RBFOX1: variants seen among roughly 807,000 people sequenced by gnomAD.
RBFOX1 encodes RNA binding protein fox-1 homolog 1.
In RBFOX1, 8 loss-of-function variants were observed where a neutral mutation model predicts 57.7. That is an observed-to-expected ratio of 0.14 (90% CI 0.08 to 0.25). The LOEUF (loss-of-function observed/expected upper bound fraction) is 0.25. Ranked by LOEUF, RBFOX1 falls within the 10% of genes least tolerant of loss-of-function variation. The pLI is 1.00. For missense variants in RBFOX1, 611 were observed against 548.5 expected, an observed-to-expected ratio of 1.11 and a Z score of -1.14; for synonymous variants, 326 against 222.4, an observed-to-expected ratio of 1.47 and a Z score of -4.15.
rs114204243 is a variant in RBFOX1, at chr16:6,940,217, A to C, written c.-15-111840A>C. Among the ~76,000 whole-genome samples, 647 of 152,136 alleles carry C rather than the reference A, an allele frequency of 4.3e-3. 4 individuals are homozygous for C. The highest frequency in any genetic ancestry group is 0.015 in the African/African-American group (624 of 41,522). On this transcript the variant is annotated intron_variant, in intron 3 of 15. Coordinates refer to ENST00000550418, the MANE Select transcript of RBFOX1 (RefSeq NM_018723.4). The stretch of plus-strand genomic sequence containing the variant: ...AAAAATAAAAATAAATAAATAAATA[A>C]ATAGGTACAGGTAGGTTACCTCTGG...
chr16:6,080,804 A>G (rs1278995666), intron 1 of RBFOX1, among the ~76,000 whole-genome samples: 4 of 152,216 alleles, frequency 2.6e-5, no homozygotes, highest in Non-Finnish European at 5.9e-5. Flanking sequence ...GGCCAATTCC[A>G]CAGGCTGGTG....
At chr16:5,268,751 C>T (rs529450229) in intron 1 of RBFOX1, among the ~76,000 whole-genome samples, 2 of 152,312 alleles carry the variant, frequency 1.3e-5, no homozygotes, top group East Asian at 3.9e-4. Context: ...CCAAGTTGGG[C>T]CTATACCTGG....
At chr16:5,521,244 A>G (rs1311601265) in intron 2 of RBFOX1, among the ~76,000 whole-genome samples, 1 of 149,236 alleles carries the variant, frequency 6.7e-6, no homozygotes, top group Non-Finnish European at 1.5e-5. Flanking sequence ...CAACTCCTTT[A>G]TCTTTCCATC....
chr16:7,396,404 C>T (rs1341563630), intron 4 of RBFOX1, among the ~76,000 whole-genome samples: 2 of 152,286 alleles, frequency 1.3e-5, no homozygotes, highest in East Asian at 3.9e-4. Flanking sequence ...TTCTGTTTTT[C>T]TCCCTGGATG....
intron 2 of RBFOX1, among the ~76,000 whole-genome samples, chr16:6,554,725 GACACACACACACACAC>G (rs34699308): frequency 6.7e-6 from 1 of 148,164 alleles, no homozygotes; most frequent in Non-Finnish European, 1.5e-5. Flanking sequence ...AGTAGACACA[GACACACACACACACAC>G]ACACACACAC....
chr16:6,210,850 T>C (rs2097291908), intron 1 of RBFOX1, among the ~76,000 whole-genome samples: 1 of 152,210 alleles, frequency 6.6e-6, no homozygotes, highest in South Asian at 2.1e-4. Flanking sequence ...AGTCCTTAAG[T>C]GAACGGTGCA....
chr16:6,713,127 T>C (rs7200105), intron 3 of RBFOX1, among the ~76,000 whole-genome samples: 14,627 of 152,068 alleles, frequency 0.096, 1,153 homozygotes, highest in African/African-American at 0.22. Flanking sequence ...AGGTATTTCT[T>C]ACAGCAGTGT....
chr16:6,002,366 A>C (rs919694634), intron 4 of RBFOX1, among the ~76,000 whole-genome samples: 26 of 152,228 alleles, frequency 1.7e-4, no homozygotes, highest in Admixed American at 6.5e-5. Context: ...CAGAGGAAAT[A>C]GAGTTTTGAC....
intron 1 of RBFOX1, among the ~76,000 whole-genome samples, chr16:6,186,877 A>G (rs779307160): frequency 5.9e-5 from 9 of 152,206 alleles, no homozygotes; most frequent in Non-Finnish European, 1.0e-4. Flanking sequence ...CTGGTGAACA[A>G]AGGCCCCCGA....
At chr16:5,849,961 G>A (rs913755380) in intron 3 of RBFOX1, among the ~76,000 whole-genome samples, 11 of 152,132 alleles carry the variant, frequency 7.2e-5, no homozygotes, top group Non-Finnish European at 1.3e-4. Flanking sequence ...TTTCCTTTGC[G>A]GATCATCTGC....
At position 7,417,717 on chromosome 16, in the gene RBFOX1, C is replaced by T. The variant is rs144221560; in HGVS notation, c.28-100430C>T. Among the ~76,000 whole-genome samples, 656 of 152,264 alleles carry T rather than the reference C, an allele frequency of 4.3e-3. 6 individuals carry two copies. Among genetic ancestry groups the T allele is most frequent in the African/African-American group, 0.015 (621 of 41,538 alleles). ...ATATCTCAGGAAACCTTAATGTGTTCTCCATCTTTATAATTTTGTCATTTC... is the reference window on the plus strand; with the variant it reads ...ATATCTCAGGAAACCTTAATGTGTTTTCCATCTTTATAATTTTGTCATTTC... On this transcript the variant is annotated intron_variant, in intron 4 of 15. Coordinates refer to ENST00000550418, the MANE Select transcript of RBFOX1 (RefSeq NM_018723.4).
chr16:7,710,165 G>C, intron 15 of RBFOX1: 2 of 1,028,062 alleles, frequency 1.9e-6, no homozygotes, highest in Non-Finnish European at 2.3e-6. Flanking sequence ...ATTCCATACA[G>C]CTTACAGAGC....
intron 2 of RBFOX1, among the ~76,000 whole-genome samples, chr16:6,608,653 G>A (rs2097985276): frequency 6.6e-6 from 1 of 152,196 alleles, no homozygotes; most frequent in Admixed American, 6.5e-5. Context: ...GGCGGCACAT[G>A]CCTGTGGTCT....
intron 4 of RBFOX1, among the ~76,000 whole-genome samples, chr16:7,328,410 G>A (rs1204785271): frequency 2.0e-5 from 3 of 148,332 alleles, no homozygotes; most frequent in Admixed American, 6.8e-5. Flanking sequence ...AATTCGGGTG[G>A]CAGAGGTTGC....
chr16:5,936,091 C>G (rs564214767), intron 4 of RBFOX1, among the ~76,000 whole-genome samples: 2 of 152,096 alleles, frequency 1.3e-5, no homozygotes, highest in South Asian at 2.1e-4. Flanking sequence ...ATGGTAGCAT[C>G]TGGCATCATA....
intron 1 of RBFOX1, among the ~76,000 whole-genome samples, chr16:5,386,371 G>A (rs1208437646): frequency 3.3e-5 from 5 of 152,080 alleles, no homozygotes; most frequent in Non-Finnish European, 5.9e-5. Context: ...AGGGGAAAAG[G>A]TAGACGGCCT....
chr16:6,390,808 G>A (rs1044942701), intron 2 of RBFOX1, among the ~76,000 whole-genome samples: 27 of 152,092 alleles, frequency 1.8e-4, no homozygotes, highest in African/African-American at 6.5e-4. Context: ...TCCTGGGGCA[G>A]GAAGGAGGCT....
chr16:7,078,127 C>T (rs1375171390), intron 4 of RBFOX1, among the ~76,000 whole-genome samples: 1 of 152,172 alleles, frequency 6.6e-6, no homozygotes, highest in African/African-American at 2.4e-5. Context: ...GGTAACTCCA[C>T]TGTTCATTCT....
chr16:7,609,423 G>C (rs1470430063), intron 10 of RBFOX1, among the ~76,000 whole-genome samples: 1 of 152,172 alleles, frequency 6.6e-6, no homozygotes, highest in Non-Finnish European at 1.5e-5. Context: ...AGGACATTAA[G>C]ATGAGAGAAA....
Sources: gnomAD v4.1 joint callset for allele counts (sites outside exome capture counted in the v4.1 genomes callset) on GRCh38, gnomAD v4.1.1 for gene constraint, MANE v1.5 for transcripts, NCBI Gene and HGNC (gene_info 2026-07-23, HGNC 2026-07-21) for gene names.